Variants in GRIK4 observed in about 807,000 individuals in gnomAD.
GRIK4 encodes the protein glutamate ionotropic receptor kainate type subunit 4, also known as glutamate receptor ionotropic, kainate 4.
A neutral mutation model predicts 104.9 loss-of-function variants in GRIK4; 40 were observed. The observed-to-expected ratio is 0.38, with a 90% CI of 0.30 to 0.50. The LOEUF is 0.50. GRIK4 is among the 20% of genes least tolerant of loss of function. The pLI is 0.93. For synonymous variants in GRIK4, 485 were observed against 524.9 expected, an observed-to-expected ratio of 0.92 and a Z score of 1.04; for missense variants, 1,047 against 1,308.1, an observed-to-expected ratio of 0.80 and a Z score of 3.08.
Position 120,697,289 on chromosome 11 carries a change from G to C in GRIK4, c.82+36889G>C, listed in dbSNP as rs550882571. 6.6e-5 allele frequency among the ~76,000 whole-genome samples: 10 copies of C among 152,338 alleles called. No homozygotes were observed. In the East Asian group the frequency reaches 1.9e-3, roughly 29 times the overall value. On this transcript the variant is annotated intron_variant, in intron 3 of 20. Coordinates refer to ENST00000527524, the MANE Select transcript of GRIK4 (RefSeq NM_014619.5). ...TAACCCCAAATCCTGAATGCCCCCTGTGTTGGAAGTGAGTTTGCTAAGTCT... is the reference window on the plus strand; with the variant it reads ...TAACCCCAAATCCTGAATGCCCCCTCTGTTGGAAGTGAGTTTGCTAAGTCT...
intron 3 of GRIK4, among the ~76,000 whole-genome samples, chr11:120,704,906 G>A (rs1950604707): frequency 6.6e-6 from 1 of 152,160 alleles, no homozygotes; most frequent in African/African-American, 2.4e-5. Context: ...AAAAACAGGT[G>A]GCATGTGGTT....
intron 3 of GRIK4, among the ~76,000 whole-genome samples, chr11:120,790,929 C>A (rs1952381664): frequency 6.6e-6 from 1 of 151,998 alleles, no homozygotes; most frequent in African/African-American, 2.4e-5. Context: ...CAGAAAGAGC[C>A]CCCAATTCAA....
intron 1 of GRIK4, among the ~76,000 whole-genome samples, chr11:120,556,743 G>T (rs185749468): frequency 4.6e-4 from 70 of 152,248 alleles, no homozygotes; most frequent in African/African-American, 1.6e-3. Context: ...AGAGGAACAC[G>T]TTTTTAAAAC....
At chr11:120,573,876 T>A (rs1290613073) in intron 1 of GRIK4, among the ~76,000 whole-genome samples, 2 of 152,134 alleles carry the variant, frequency 1.3e-5, no homozygotes, top group African/African-American at 4.8e-5. Context: ...TCCTTCCACA[T>A]CCCAGAGGCC....
chr11:120,565,394 A>G (rs1161606714), intron 1 of GRIK4, among the ~76,000 whole-genome samples: 2 of 152,240 alleles, frequency 1.3e-5, no homozygotes, highest in African/African-American at 4.8e-5. Context: ...AATGCGCTGG[A>G]CAAGTTGTTA....
intron 3 of GRIK4, among the ~76,000 whole-genome samples, chr11:120,696,342 GTGGA>G (rs1418003068): frequency 6.6e-6 from 1 of 152,108 alleles, no homozygotes; most frequent in Non-Finnish European, 1.5e-5. Flanking sequence ...GTCCTGTTTG[GTGGA>G]TTGGGTGGGG....
chr11:120,931,159 G>A (rs566552636), intron 13 of GRIK4, among the ~76,000 whole-genome samples: 1 of 152,190 alleles, frequency 6.6e-6, no homozygotes, highest in African/African-American at 2.4e-5. Context: ...CTGGCAGGGC[G>A]AGGACTTGAA....
At chr11:120,751,210 C>T (rs1042424597) in intron 3 of GRIK4, among the ~76,000 whole-genome samples, 1 of 152,094 alleles carries the variant, frequency 6.6e-6, no homozygotes, top group East Asian at 1.9e-4. Flanking sequence ...GCTCAGAACC[C>T]GTGCCTGGCA....
chr11:120,898,883 G>A (rs1942657826), intron 12 of GRIK4, among the ~76,000 whole-genome samples: 1 of 152,194 alleles, frequency 6.6e-6, no homozygotes, highest in Admixed American at 6.5e-5. Context: ...CCTCTTGGAG[G>A]CACCCTGTCA....
chr11:120,903,098 G>GCCCATCAGGATTTCAGTGCTTT lies in GRIK4; in HGVS notation c.1273-2189_1273-2168dup, dbSNP rs1942779820. ...AGAAGTCCTTCTCAGAACGAGCTCA[G>GCCCATCAGGATTTCAGTGCTTT]CCCATCAGGATTTCAGTGCTTTCCT... On this transcript the variant is annotated intron_variant, in intron 12 of 20. Coordinates refer to ENST00000527524, the MANE Select transcript of GRIK4 (RefSeq NM_014619.5). The surrounding 1 kb of genome is among the most constrained non-coding windows in gnomAD (Gnocchi z 4.4). 6.6e-6 allele frequency among the ~76,000 whole-genome samples: 1 copy of GCCCATCAGGATTTCAGTGCTTT among 152,048 alleles called. No homozygotes were observed. The highest frequency in any genetic ancestry group is 1.5e-5 in the Non-Finnish European group (1 of 68,018).
chr11:120,671,302 A>G (rs113461762), intron 3 of GRIK4, among the ~76,000 whole-genome samples: 4 of 152,284 alleles, frequency 2.6e-5, no homozygotes, highest in African/African-American at 7.2e-5. Context: ...TGGTTGAACT[A>G]ATTTACACTC....
At chr11:120,567,701 T>C (rs532894760) in intron 1 of GRIK4, among the ~76,000 whole-genome samples, 3 of 152,180 alleles carry the variant, frequency 2.0e-5, no homozygotes, top group Non-Finnish European at 4.4e-5. Context: ...CTGGCTACAC[T>C]GGGAAGCCCA....
At chr11:120,661,536 G>A (rs896606212) in intron 3 of GRIK4, among the ~76,000 whole-genome samples, 3 of 152,222 alleles carry the variant, frequency 2.0e-5, no homozygotes, top group African/African-American at 2.4e-5. Flanking sequence ...ATGGCACGAT[G>A]CTGAATCTCA....
At chr11:120,802,881 C>G (rs1292257547) in intron 4 of GRIK4, 24 bp downstream of exon 4, 1 of 1,607,904 alleles carries the variant, frequency 6.2e-7, no homozygotes, top group South Asian at 1.1e-5. Flanking sequence ...GCAGGGCTGC[C>G]TCTTCCCTTG....
intron 14 of GRIK4, among the ~76,000 whole-genome samples, chr11:120,945,552 T>C (rs915728733): frequency 5.9e-5 from 9 of 152,222 alleles, no homozygotes; most frequent in African/African-American, 2.2e-4. Flanking sequence ...ATGCTTTCCT[T>C]TGTGCTCCTG....
chr11:120,887,766 C>A (rs940082021), intron 11 of GRIK4, among the ~76,000 whole-genome samples: 2 of 152,252 alleles, frequency 1.3e-5, no homozygotes, highest in East Asian at 3.9e-4. Context: ...CAAATAATTA[C>A]CTAAATAACT....
chr11:120,940,580 T>C lies in GRIK4; in HGVS notation c.1590+120T>C. ...TTAGATTTCAAGACTTAAATGCAAA[T>C]GTGCTGGGCTATTTTTTCTCCTATC... On this transcript the variant is annotated intron_variant, in intron 14 of 20. Coordinates refer to ENST00000527524, the MANE Select transcript of GRIK4 (RefSeq NM_014619.5). This position sits in a 1 kb window ranked among gnomAD's most constrained non-coding sequence, Gnocchi z 4.3. The C allele has an allele frequency of 1.5e-6, 1 of 650,624 alleles. No homozygotes were observed. The highest frequency in any genetic ancestry group is 2.0e-5 in the South Asian group (1 of 50,060). The allele number at this position is 650,624 out of a possible 1,614,324, so 40.3% of individuals were successfully genotyped here.
chr11:120,787,704 C>T (rs1408020581), intron 3 of GRIK4, among the ~76,000 whole-genome samples: 1 of 151,586 alleles, frequency 6.6e-6, no homozygotes, highest in Non-Finnish European at 1.5e-5. Context: ...CTCACGTGAT[C>T]CACCTGCCTT....
At chr11:120,665,745 CGT>C (rs1356190661) in intron 3 of GRIK4, among the ~76,000 whole-genome samples, 1 of 152,176 alleles carries the variant, frequency 6.6e-6, no homozygotes, top group African/African-American at 2.4e-5. Flanking sequence ...AAAGTCTGCG[CGT>C]GTGTCTGCAC....
Sources: allele counts gnomAD v4.1 joint callset (sites outside exome capture counted in the v4.1 genomes callset), GRCh38; gene constraint gnomAD v4.1.1; non-coding constraint Gnocchi (gnomAD v3.1); transcripts MANE v1.5; gene names NCBI Gene and HGNC (gene_info 2026-07-23, HGNC 2026-07-21).